Variants in PHKB observed in about 807,000 individuals in gnomAD.
PHKB encodes the protein phosphorylase b kinase regulatory subunit beta.
A neutral mutation model predicts 152.1 loss-of-function variants in PHKB; 122 were observed. The ratio of observed to expected loss-of-function variants is 0.80; its 90% CI spans 0.69 to 0.93. The LOEUF (loss-of-function observed/expected upper bound fraction) is 0.93. Among genes scored for constraint, PHKB ranks in the 40% least tolerant of loss-of-function variants. The probability of loss-of-function intolerance (pLI) is 0.00; values close to 1 mark genes in which losing one functional copy is unlikely to be tolerated. For synonymous variants in PHKB, 436 were observed against 464.9 expected (o/e 0.94, Z 0.80); for missense variants, 1,304 against 1,328.4 (o/e 0.98, Z 0.29).
At chr16:47,591,158 T>G (rs1972022274) in intron 10 of PHKB, among the ~76,000 whole-genome samples, 2 of 152,168 alleles carry the variant, frequency 1.3e-5, no homozygotes, top group Admixed American at 6.5e-5. Flanking sequence ...TCTGTCTTGT[T>G]TCCCCAACTT....
chr16:47,516,650 G>C (rs1279234321), intron 6 of PHKB, among the ~76,000 whole-genome samples: 1 of 152,182 alleles, frequency 6.6e-6, no homozygotes, highest in Non-Finnish European at 1.5e-5. Context: ...GGACCGTACT[G>C]AGGGTACTAC....
At chr16:47,478,466 A>AT (rs199656987) in intron 1 of PHKB, among the ~76,000 whole-genome samples, 13,270 of 127,716 alleles carry the variant, frequency 0.1, 1,315 homozygotes, top group African/African-American at 0.28. Context: ...TTGCTGTGAA[A>AT]TTTTTTTTTT....
intron 1 of PHKB, among the ~76,000 whole-genome samples, chr16:47,483,904 G>A (rs1398635092): frequency 6.6e-6 from 1 of 152,112 alleles, no homozygotes; most frequent in Non-Finnish European, 1.5e-5. Context: ...GGCACTGTTG[G>A]CACTGGGGTT....
chr16:47,536,380 T>C (rs1452062935), intron 6 of PHKB, among the ~76,000 whole-genome samples: 1 of 152,172 alleles, frequency 6.6e-6, no homozygotes, highest in Admixed American at 6.5e-5. Context: ...TAGCTAGCAA[T>C]GTTATACTTC....
At position 47,518,793 on chromosome 16, in the gene PHKB, C is replaced by G. The variant is rs1487668669; in HGVS notation, c.594+3192C>G. Among the ~76,000 whole-genome samples the G allele has an allele frequency of 2.0e-5, 3 of 152,186 alleles. No individual in the cohort carries two copies. The South Asian group carries it at 6.2e-4, about 32-fold the overall frequency. On this transcript the variant is annotated intron_variant, in intron 6 of 30. Coordinates refer to ENST00000323584, the MANE Select transcript of PHKB (RefSeq NM_000293.3). ...AACTTAGACCTAAATATAAATTTACCTAAGTCAATCCTTTTGATAGAGATA... is the reference window on the plus strand; with the variant it reads ...AACTTAGACCTAAATATAAATTTACGTAAGTCAATCCTTTTGATAGAGATA...
intron 1 of PHKB, among the ~76,000 whole-genome samples, chr16:47,474,909 A>G (rs1294532969): frequency 1.3e-5 from 2 of 152,112 alleles, no homozygotes; most frequent in African/African-American, 4.8e-5. Context: ...TTTTTAATAC[A>G]GGCAGGGTTT....
intron 28 of PHKB, among the ~76,000 whole-genome samples, chr16:47,695,223 G>A (rs1974127266): frequency 6.6e-6 from 1 of 152,050 alleles, no homozygotes. Context: ...GGCAAGCTTG[G>A]TATCTCTTCT....
intron 1 of PHKB, among the ~76,000 whole-genome samples, chr16:47,491,103 A>G (rs1183287763): frequency 6.6e-6 from 1 of 152,146 alleles, no homozygotes; most frequent in Non-Finnish European, 1.5e-5. Context: ...CCTCCTAGCA[A>G]TTTGAACTTT....
intron 27 of PHKB, among the ~76,000 whole-genome samples, chr16:47,693,111 C>T (rs151313851): frequency 2.6e-4 from 40 of 152,252 alleles, no homozygotes; most frequent in Non-Finnish European, 5.0e-4. Context: ...ATCATTTGAG[C>T]ATGTAGTAAG....
At chr16:47,679,454 G>T (rs1460479763) in intron 26 of PHKB, among the ~76,000 whole-genome samples, 6 of 151,604 alleles carry the variant, frequency 4.0e-5, no homozygotes, top group South Asian at 2.1e-4. Flanking sequence ...ATTGAGCAGT[G>T]GTTTGTAGTT....
chr16:47,500,465 A>G (rs756163050), intron 3 of PHKB, among the ~76,000 whole-genome samples: 2 of 152,074 alleles, frequency 1.3e-5, no homozygotes, highest in Non-Finnish European at 2.9e-5. Context: ...CTACCTGCCC[A>G]CTCTCATTGT....
intron 16 of PHKB, among the ~76,000 whole-genome samples, chr16:47,642,981 G>A (rs1445164907): frequency 1.3e-5 from 2 of 152,134 alleles, no homozygotes; most frequent in African/African-American, 2.4e-5. Context: ...GCAGGCTGTC[G>A]GCTGCTAATA....
intron 24 of PHKB, chr16:47,664,640 G>A: frequency 3.9e-6 from 2 of 515,278 alleles, no homozygotes; most frequent in Non-Finnish European, 3.5e-6. Context: ...TTTCAGTACA[G>A]TAAGACATCA....
chr16:47,536,480 G>A (rs866375533), intron 6 of PHKB, among the ~76,000 whole-genome samples: 2 of 152,266 alleles, frequency 1.3e-5, no homozygotes, highest in South Asian at 2.1e-4. Context: ...AGTTATACAG[G>A]ACCACAGTTT....
chr16:47,647,270 T>C (rs1194894291), intron 16 of PHKB, among the ~76,000 whole-genome samples: 1 of 152,034 alleles, frequency 6.6e-6, no homozygotes. Flanking sequence ...ATTACAGCCA[T>C]GTGTCACCAC....
chr16:47,689,093 C>A lies in PHKB; in HGVS notation c.2683C>A (p.Pro895Thr). The stretch of plus-strand genomic sequence containing the variant: ...ACTTCAGATCCGTGGCGGAGACAAG[C>A]CAGCCTTGGACTTGTATCAGCTGTC... ...YELQIRGGDKPALDLYQLSPS... is the reference protein window; with the variant it reads ...YELQIRGGDKTALDLYQLSPS... Residue 895 changes from proline to threonine, a missense_variant, in exon 27 of 31, where the codon CCA becomes ACA. Physicochemically the swap from Pro to Thr is conservative, Grantham distance 38. Coordinates refer to ENST00000323584, the MANE Select transcript of PHKB (RefSeq NM_000293.3). 1 of 1,613,712 alleles carries A rather than the reference C, an allele frequency of 6.2e-7. No individual in the cohort carries two copies. The highest frequency in any genetic ancestry group is 1.1e-5 in the South Asian group (1 of 91,060).
chr16:47,526,424 T>A (rs1409381471), intron 6 of PHKB, among the ~76,000 whole-genome samples: 1 of 151,432 alleles, frequency 6.6e-6, no homozygotes, highest in African/African-American at 2.4e-5. Flanking sequence ...AAAAAAAAAT[T>A]ATTCACCGTT....
intron 7 of PHKB, 133 bp downstream of exon 7, chr16:47,547,681 C>G: frequency 1.5e-6 from 1 of 645,552 alleles, no homozygotes; most frequent in South Asian, 1.7e-5. Flanking sequence ...ACCTATGATG[C>G]AGATGGAAGT....
At chr16:47,552,237 A>T (rs1971284650) in intron 7 of PHKB, among the ~76,000 whole-genome samples, 1 of 152,146 alleles carries the variant, frequency 6.6e-6, no homozygotes, top group African/African-American at 2.4e-5. Context: ...TTGGTATTTC[A>T]GAATTGGATC....
Sources: gnomAD v4.1 joint callset for allele counts (sites outside exome capture counted in the v4.1 genomes callset) on GRCh38, gnomAD v4.1.1 for gene constraint, MANE v1.5 for transcripts, NCBI Gene and HGNC (gene_info 2026-07-23, HGNC 2026-07-21) for gene names.